The following GRIK3 variants were observed in gnomAD, a reference collection of about 807,000 sequenced individuals.
GRIK3 encodes the protein glutamate ionotropic receptor kainate type subunit 3.
In GRIK3, 29 loss-of-function variants were observed where a neutral mutation model predicts 102.5. The ratio of observed to expected loss-of-function variants is 0.28; its 90% CI spans 0.21 to 0.39. GRIK3 has a LOEUF of 0.39. Among genes scored for constraint, GRIK3 ranks in the 10% least tolerant of loss-of-function variants. The pLI is 1.00. For synonymous variants in GRIK3, 511 were observed against 504.9 expected, an observed-to-expected ratio of 1.01 and a Z score of -0.16; for missense variants, 908 against 1,252.4, an observed-to-expected ratio of 0.73 and a Z score of 4.15.
chr1:36,952,665 G>C (rs564081861), intron 1 of GRIK3, among the ~76,000 whole-genome samples: 16 of 152,328 alleles, frequency 1.1e-4, no homozygotes, highest in African/African-American at 3.8e-4. Flanking sequence ...TGCCTCCAGG[G>C]AGCTTAGAGT....
chr1:36,859,098 G>GCC lies in GRIK3; in HGVS notation c.1104+9_1104+10insGG. ...GGAGACAACACTGGTGGGGGCTGTG[G>GCC]GGCACTCACCTCCTTGATGAAGTTC... On this transcript the variant is annotated intron_variant, in intron 7 of 15. Coordinates refer to ENST00000373091, the MANE Select transcript of GRIK3 (RefSeq NM_000831.4). 6.3e-7 allele frequency: 1 copy of GCC among 1,598,754 alleles called. No individual in the cohort carries two copies. The highest frequency in any genetic ancestry group is 8.5e-7 in the Non-Finnish European group (1 of 1,169,608).
intron 2 of GRIK3, among the ~76,000 whole-genome samples, chr1:36,881,438 A>C (rs375850068): frequency 5.3e-4 from 80 of 152,152 alleles, no homozygotes; most frequent in African/African-American, 1.8e-3. Flanking sequence ...TCACCTCCAT[A>C]AACAGCAGCT....
At chr1:36,919,054 G>A (rs1641437570) in intron 1 of GRIK3, among the ~76,000 whole-genome samples, 1 of 152,352 alleles carries the variant, frequency 6.6e-6, no homozygotes, top group Middle Eastern at 3.4e-3. Flanking sequence ...ATGATGAGGA[G>A]CCCATAGAGG....
chr1:36,965,287 T>A (rs1169470210), intron 1 of GRIK3, among the ~76,000 whole-genome samples: 2 of 152,216 alleles, frequency 1.3e-5, no homozygotes, highest in Non-Finnish European at 2.9e-5. Flanking sequence ...ATCAGAAAAT[T>A]TAATGACTCT....
Position 36,856,382 on chromosome 1 carries a change from C to T in GRIK3, c.1105-2660G>A, listed in dbSNP as rs373755991. On this transcript the variant is annotated intron_variant, in intron 7 of 15. Coordinates refer to ENST00000373091, the MANE Select transcript of GRIK3 (RefSeq NM_000831.4). The stretch of plus-strand genomic sequence containing the variant: ...CAGCTCCTCCCAGTGACATTTCCTG[C>T]GCTGCCCGCCCCCTCTAGCCACCGC... 2.3e-3 allele frequency among the ~76,000 whole-genome samples: 355 copies of T among 152,346 alleles called. 9 individuals carry two copies. The South Asian group carries it at 0.051, about 22-fold the overall frequency.
chr1:36,890,917 C>T lies in GRIK3; in HGVS notation c.292+3G>A. On this transcript the variant is annotated splice_donor_region_variant and intron_variant, in intron 2 of 15. Coordinates refer to ENST00000373091, the MANE Select transcript of GRIK3 (RefSeq NM_000831.4). ...AGAACAGAGGCAGGAGCTGCACACT[C>T]ACCCTTTTTGGTCGCCTCGAAGCTG... is the stretch of plus-strand genomic sequence containing the variant. 1 of 1,606,576 alleles carries T rather than the reference C, an allele frequency of 6.2e-7. No homozygotes were observed. Among genetic ancestry groups the T allele is most frequent in the East Asian group, 2.2e-5 (1 of 44,750 alleles).
At chr1:36,992,291 G>C (rs1044846422) in intron 1 of GRIK3, among the ~76,000 whole-genome samples, 1 of 152,156 alleles carries the variant, frequency 6.6e-6, no homozygotes, top group Non-Finnish European at 1.5e-5. Context: ...GCAAGACCCT[G>C]TGGGCCTGCA....
chr1:36,927,513 T>C (rs1570803215), intron 1 of GRIK3, among the ~76,000 whole-genome samples: 1 of 152,258 alleles, frequency 6.6e-6, no homozygotes, highest in East Asian at 1.9e-4. Flanking sequence ...GTTTGCAAAA[T>C]GAACAAAGTG....
At chr1:36,980,549 C>G (rs1386294858) in intron 1 of GRIK3, among the ~76,000 whole-genome samples, 1 of 151,874 alleles carries the variant, frequency 6.6e-6, no homozygotes, top group African/African-American at 2.4e-5. Context: ...ACCCTTCCCA[C>G]CTGGACTCAG....
At chr1:36,831,119 G>A (rs1452242139) in intron 10 of GRIK3, among the ~76,000 whole-genome samples, 1 of 152,174 alleles carries the variant, frequency 6.6e-6, no homozygotes, top group African/African-American at 2.4e-5. Flanking sequence ...AGGATGCATG[G>A]GGCTCCTTCC....
intron 1 of GRIK3, among the ~76,000 whole-genome samples, chr1:36,968,672 C>T (rs1042745344): frequency 1.3e-5 from 2 of 152,210 alleles, no homozygotes; most frequent in African/African-American, 2.4e-5. Flanking sequence ...GGAGCCTCCA[C>T]AGCTGCTGGC....
intron 1 of GRIK3, among the ~76,000 whole-genome samples, chr1:36,896,573 A>T (rs1410219481): frequency 6.6e-6 from 1 of 152,178 alleles, no homozygotes; most frequent in East Asian, 1.9e-4. Flanking sequence ...CATGAAAGGC[A>T]GAAAAGGGCT....
intron 11 of GRIK3, among the ~76,000 whole-genome samples, chr1:36,821,583 C>T (rs570871150): frequency 3.3e-5 from 5 of 152,334 alleles, no homozygotes; most frequent in South Asian, 2.1e-4. Context: ...CAGACACCAC[C>T]GGGTCCCAGG....
In GRIK3 at chr1:36,860,037, T is replaced by G. The variant is rs943002943; in HGVS notation, c.787-20A>C. On this transcript the variant is annotated intron_variant, in intron 5 of 15. Coordinates refer to ENST00000373091, the MANE Select transcript of GRIK3 (RefSeq NM_000831.4). ...GAGATCCTGGATAGAGAGAGGTCTG[T>G]GTAAACCAAGGCATGCTCACTGCTG... The G allele has an allele frequency of 6.5e-7, 1 of 1,546,544 alleles. No homozygotes were observed. Among genetic ancestry groups the G allele is most frequent in the Non-Finnish European group, 8.7e-7 (1 of 1,145,116 alleles).
chr1:36,809,524 T>C (rs891219185), intron 13 of GRIK3, among the ~76,000 whole-genome samples: 8 of 152,038 alleles, frequency 5.3e-5, no homozygotes, highest in African/African-American at 7.2e-5. Flanking sequence ...GAAAAGTAAC[T>C]TGACAATGAA....
intron 1 of GRIK3, among the ~76,000 whole-genome samples, chr1:36,967,652 C>T (rs990580619): frequency 1.3e-5 from 2 of 152,148 alleles, no homozygotes; most frequent in African/African-American, 4.8e-5. Context: ...GGCCCATCGG[C>T]AATGCTCCTA....
chr1:36,887,763 A>T (rs1169522826), intron 2 of GRIK3, among the ~76,000 whole-genome samples: 4 of 98,050 alleles, frequency 4.1e-5, no homozygotes, highest in African/African-American at 2.1e-4. Flanking sequence ...TCTCAAAAAA[A>T]AAAAAAAAAT....
intron 11 of GRIK3, among the ~76,000 whole-genome samples, chr1:36,825,389 C>T (rs1303574280): frequency 1.3e-5 from 2 of 151,916 alleles, no homozygotes; most frequent in Non-Finnish European, 2.9e-5. Flanking sequence ...AGGGTGAGGA[C>T]CAGGTGATTC....
intron 1 of GRIK3, among the ~76,000 whole-genome samples, chr1:37,017,233 A>G (rs1254262888): frequency 6.6e-6 from 1 of 151,196 alleles, no homozygotes; most frequent in Non-Finnish European, 1.5e-5. Context: ...AAAACGAAAA[A>G]AAGAAAGGTG....
Sources: gnomAD v4.1 joint callset for allele counts (sites outside exome capture counted in the v4.1 genomes callset) on GRCh38, gnomAD v4.1.1 for gene constraint, MANE v1.5 for transcripts, NCBI Gene and HGNC (gene_info 2026-07-23, HGNC 2026-07-21) for gene names.